The following ERP44 variants were observed in gnomAD, a reference collection of about 807,000 sequenced individuals.
The protein encoded by ERP44 is endoplasmic reticulum protein 44.
In ERP44, 25 loss-of-function variants were observed where a neutral mutation model predicts 53.4. The observed-to-expected ratio is 0.47, with a 90% CI of 0.34 to 0.65. ERP44 has a LOEUF of 0.65. Among genes scored for constraint, ERP44 ranks in the 30% least tolerant of loss-of-function variants. ERP44 has a pLI of 0.01. For synonymous variants in ERP44, 145 were observed against 161.2 expected, an observed-to-expected ratio of 0.90 and a Z score of 0.76; for missense variants, 338 against 493.2, an observed-to-expected ratio of 0.69 and a Z score of 2.98.
intron 4 of ERP44, among the ~76,000 whole-genome samples, chr9:100,039,349 C>CA (rs1456516047): frequency 6.6e-6 from 1 of 151,900 alleles, no homozygotes. Flanking sequence ...CCTCTGATGA[C>CA]AATGGAATAA....
At chr9:99,982,765 T>C (rs2118593753) in intron 11 of ERP44, 52 bp from the exon 12 acceptor site, 1 of 1,133,286 alleles carries the variant, frequency 8.8e-7, no homozygotes, top group Non-Finnish European at 1.3e-6. Flanking sequence ...TATGGTGCTA[T>C]AATATTTTAA....
intron 6 of ERP44, among the ~76,000 whole-genome samples, chr9:100,018,538 A>G (rs971597185): frequency 9.8e-5 from 15 of 152,326 alleles, no homozygotes; most frequent in African/African-American, 2.9e-4. Context: ...TGGGAGTTTT[A>G]GCACTAAAAG....
chr9:100,022,237 GA>G lies in ERP44; in HGVS notation c.287-12del, dbSNP rs768318381. 3.8e-6 allele frequency: 6 copies of G among 1,593,520 alleles called. No individual in the cohort carries two copies. In the Admixed American group the frequency reaches 5.4e-5, roughly 14 times the overall value. ...TCTGGGCTATGTCAGCTAAAAGAAT[GA>G]AAAAAAATTATTTACCCTCATATGT... On this transcript the variant is annotated splice_polypyrimidine_tract_variant and intron_variant, in intron 4 of 11. Coordinates refer to ENST00000262455, the MANE Select transcript of ERP44 (RefSeq NM_015051.3).
At chr9:99,985,226 G>T (rs1830183864) in intron 10 of ERP44, among the ~76,000 whole-genome samples, 157 bp from the exon 11 acceptor site, 1 of 152,182 alleles carries the variant, frequency 6.6e-6, no homozygotes, top group Non-Finnish European at 1.5e-5. Context: ...TTACACAGTT[G>T]TAAGCATAGT....
intron 4 of ERP44, among the ~76,000 whole-genome samples, chr9:100,030,850 C>A (rs576511452): frequency 9.5e-4 from 144 of 152,246 alleles, no homozygotes; most frequent in African/African-American, 3.3e-3. Context: ...TCTCTGGCCT[C>A]CCTGAGCACC....
chr9:100,094,951 GAC>G (rs1826607920), intron 1 of ERP44, among the ~76,000 whole-genome samples: 2 of 147,996 alleles, frequency 1.4e-5, no homozygotes, highest in Admixed American at 1.4e-4. Context: ...TAGCCTGGGT[GAC>G]AGAGCTAGAC....
At chr9:100,090,303 G>A (rs146287313) in intron 1 of ERP44, among the ~76,000 whole-genome samples, 64 of 152,292 alleles carry the variant, frequency 4.2e-4, no homozygotes, top group African/African-American at 1.4e-3. Context: ...AAGGAACTGA[G>A]GATGTGCAGG....
chr9:100,073,910 A>C (rs1826331082), intron 1 of ERP44, among the ~76,000 whole-genome samples: 1 of 152,218 alleles, frequency 6.6e-6, no homozygotes, highest in African/African-American at 2.4e-5. Context: ...TTCAATGCAC[A>C]GTAGTATTTT....
chr9:100,078,480 T>A (rs1045063078), intron 1 of ERP44, among the ~76,000 whole-genome samples: 1 of 120,808 alleles, frequency 8.3e-6, no homozygotes. Flanking sequence ...AAAGTCCGGG[T>A]GCAGCGGCTC....
intron 10 of ERP44, among the ~76,000 whole-genome samples, chr9:100,003,045 T>A: frequency 6.6e-6 from 1 of 152,204 alleles, no homozygotes; most frequent in East Asian, 1.9e-4. Flanking sequence ...CAGGTTTAAA[T>A]TCTTTCTTCT....
intron 10 of ERP44, among the ~76,000 whole-genome samples, chr9:99,988,574 C>T (rs1030921726): frequency 2.0e-5 from 3 of 152,116 alleles, no homozygotes; most frequent in South Asian, 2.1e-4. Flanking sequence ...CCAAGATGGC[C>T]GAATAGGAAG....
intron 4 of ERP44, among the ~76,000 whole-genome samples, chr9:100,022,739 A>G (rs1405901420): frequency 6.6e-6 from 1 of 152,238 alleles, no homozygotes; most frequent in Non-Finnish European, 1.5e-5. Context: ...AAGTACTTAC[A>G]ATATTTTGTT....
chr9:100,052,137 T>A (rs1228675122), intron 4 of ERP44, among the ~76,000 whole-genome samples: 1 of 152,176 alleles, frequency 6.6e-6, no homozygotes, highest in Non-Finnish European at 1.5e-5. Flanking sequence ...CTGCTAGTTT[T>A]GTTCCCTACG....
intron 4 of ERP44, among the ~76,000 whole-genome samples, chr9:100,042,601 T>C (rs950637313): frequency 6.6e-6 from 1 of 152,110 alleles, no homozygotes; most frequent in Non-Finnish European, 1.5e-5. Context: ...CAAGAGACAT[T>C]TGCACTCCCA....
intron 10 of ERP44, among the ~76,000 whole-genome samples, chr9:100,000,907 G>A (rs1056712404): frequency 6.6e-6 from 1 of 151,722 alleles, no homozygotes; most frequent in African/African-American, 2.4e-5. Context: ...GGCTTGGTTT[G>A]TTCTTTTTCT....
chr9:100,016,452 G>GAAA lies in ERP44; in HGVS notation c.646-17_646-15dup. ...CGGAGCAGAATGCTATTACAAAACAGAAAAAAAAAATTAAATCTAACCTGT... is the reference window on the plus strand; with the variant it reads ...CGGAGCAGAATGCTATTACAAAACAGAAAAAAAAAAAAATTAAATCTAACCTGT... On this transcript the variant is annotated splice_polypyrimidine_tract_variant and intron_variant, in intron 7 of 11. Coordinates refer to ENST00000262455, the MANE Select transcript of ERP44 (RefSeq NM_015051.3). 6.6e-7 allele frequency: 1 copy of GAAA among 1,512,948 alleles called. No individual in the cohort carries two copies. Among genetic ancestry groups the GAAA allele is most frequent in the Non-Finnish European group, 8.9e-7 (1 of 1,129,158 alleles). The allele number at this position is 1,512,948 out of a possible 1,614,324, so 93.7% of individuals were successfully genotyped here.
intron 1 of ERP44, among the ~76,000 whole-genome samples, chr9:100,067,560 G>A (rs1272321702): frequency 3.3e-5 from 5 of 152,292 alleles, no homozygotes; most frequent in South Asian, 2.1e-4. Flanking sequence ...CCTCCCAGCC[G>A]CCTGCCTTGG....
At chr9:100,068,308 A>G (rs1826250689) in intron 1 of ERP44, among the ~76,000 whole-genome samples, 7 of 137,250 alleles carry the variant, frequency 5.1e-5, no homozygotes, top group African/African-American at 8.3e-5. Context: ...CTACCCGGCC[A>G]GCTGCCCCGT....
At chr9:100,043,447 C>CTTCA (rs1825935420) in intron 4 of ERP44, among the ~76,000 whole-genome samples, 1 of 151,402 alleles carries the variant, frequency 6.6e-6, no homozygotes, top group Admixed American at 6.6e-5. Context: ...CCTGATGTGA[C>CTTCA]TATTACGGAC....
Sources: allele counts gnomAD v4.1 joint callset (sites outside exome capture counted in the v4.1 genomes callset), GRCh38; gene constraint gnomAD v4.1.1; transcripts MANE v1.5; gene names NCBI Gene and HGNC (gene_info 2026-07-23, HGNC 2026-07-21).